The following TMEM132D variants were observed in gnomAD, a reference collection of about 807,000 sequenced individuals.
TMEM132D encodes the protein transmembrane protein 132D.
Under a neutral mutation model 62.3 loss-of-function variants are expected in TMEM132D, and 21 were observed. That is an observed-to-expected ratio of 0.34 (90% CI 0.24 to 0.49). The LOEUF is 0.49. Ranked by LOEUF, TMEM132D falls within the 20% of genes least tolerant of loss-of-function variation. TMEM132D has a pLI of 0.99. For missense variants in TMEM132D, 1,346 were observed against 1,402.8 expected, an observed-to-expected ratio of 0.96 and a Z score of 0.65; for synonymous variants, 621 against 575.6, an observed-to-expected ratio of 1.08 and a Z score of -1.13.
chr12:129,417,187 T>C (rs1872149151), intron 3 of TMEM132D, among the ~76,000 whole-genome samples: 1 of 152,176 alleles, frequency 6.6e-6, no homozygotes, highest in African/African-American at 2.4e-5. Context: ...CTGGGCTTTT[T>C]TTGTTGGTAG....
Position 129,546,388 on chromosome 12 carries a change from A to T in TMEM132D, c.969-15183T>A, listed in dbSNP as rs1876736971. 2.0e-5 allele frequency among the ~76,000 whole-genome samples: 3 copies of T among 152,318 alleles called. No homozygotes were observed. In the South Asian group the frequency reaches 6.2e-4, roughly 32 times the overall value. Reference sequence around the variant, plus strand: ...CTGCGTGTGTATATTATTCATATTAATAGGAAAGATTATGATGGTTTCCAT... The same window carrying T: ...CTGCGTGTGTATATTATTCATATTATTAGGAAAGATTATGATGGTTTCCAT... On this transcript the variant is annotated intron_variant, in intron 2 of 8. Coordinates refer to ENST00000422113, the MANE Select transcript of TMEM132D (RefSeq NM_133448.3).
At position 129,605,587 on chromosome 12, in the gene TMEM132D, TTATA is replaced by T. The variant is rs71301340; in HGVS notation, c.969-74386_969-74383del. On this transcript the variant is annotated intron_variant, in intron 2 of 8. Coordinates refer to ENST00000422113, the MANE Select transcript of TMEM132D (RefSeq NM_133448.3). ...TTAAATTATTATGGGAAATTAGGCA[TTATA>T]TATATATATATATACACACACATAT... Among the ~76,000 whole-genome samples the T allele has an allele frequency of 2.8e-5, 3 of 107,366 alleles. 1 individual carries two copies. Among genetic ancestry groups the T allele is most frequent in the African/African-American group, 1.2e-4 (3 of 25,724 alleles). The allele number at this position is 107,366 out of a possible 152,430, so 70.4% of individuals were successfully genotyped here. A position where few individuals can be genotyped will look rare whatever the true frequency, so the allele number is the denominator to read the frequency against.
chr12:129,167,764 T>C (rs962026631), intron 5 of TMEM132D, among the ~76,000 whole-genome samples: 2 of 151,558 alleles, frequency 1.3e-5, no homozygotes, highest in African/African-American at 4.9e-5. Context: ...CAAATGGCAG[T>C]TTGCCCAATT....
intron 3 of TMEM132D, among the ~76,000 whole-genome samples, chr12:129,433,556 T>C (rs1872717856): frequency 6.6e-6 from 1 of 152,214 alleles, no homozygotes; most frequent in Non-Finnish European, 1.5e-5. Context: ...AATTACAATT[T>C]TTCCCTTGCT....
At chr12:129,647,840 G>T (rs575064878) in intron 2 of TMEM132D, among the ~76,000 whole-genome samples, 1 of 152,154 alleles carries the variant, frequency 6.6e-6, no homozygotes, top group South Asian at 2.1e-4. Context: ...AACCACCTTT[G>T]TAAAGAATAT....
At chr12:129,514,988 A>AT (rs1875630542) in intron 3 of TMEM132D, among the ~76,000 whole-genome samples, 1 of 152,202 alleles carries the variant, frequency 6.6e-6, no homozygotes, top group African/African-American at 2.4e-5. Flanking sequence ...AGAGAGACTC[A>AT]TTTAATCAAA....
chr12:129,138,319 A>G (rs1406060408), intron 5 of TMEM132D, among the ~76,000 whole-genome samples: 1 of 152,254 alleles, frequency 6.6e-6, no homozygotes, highest in African/African-American at 2.4e-5. Context: ...AACACAATGT[A>G]TGTATTGGCT....
chr12:129,344,458 T>C (rs1869616903), intron 3 of TMEM132D, among the ~76,000 whole-genome samples: 1 of 152,102 alleles, frequency 6.6e-6, no homozygotes, highest in South Asian at 2.1e-4. Flanking sequence ...AAGAATGGGA[T>C]TGGGTTAGAG....
intron 4 of TMEM132D, among the ~76,000 whole-genome samples, chr12:129,315,400 A>G (rs767080179): frequency 1.2e-4 from 18 of 152,042 alleles, no homozygotes; most frequent in African/African-American, 3.1e-4. Context: ...TATTGAGATG[A>G]TTATGTGATT....
chr12:129,383,980 C>T (rs1394000931), intron 3 of TMEM132D, among the ~76,000 whole-genome samples: 1 of 152,196 alleles, frequency 6.6e-6, no homozygotes, highest in African/African-American at 2.4e-5. Context: ...TCCTCTGCCT[C>T]CCGAAAGCTG....
chr12:129,819,046 G>C (rs1872462265), intron 1 of TMEM132D, among the ~76,000 whole-genome samples: 1 of 151,232 alleles, frequency 6.6e-6, no homozygotes, highest in South Asian at 2.1e-4. Flanking sequence ...AAAAAAAAAA[G>C]ACAAGAAAAA....
intron 2 of TMEM132D, among the ~76,000 whole-genome samples, chr12:129,576,603 T>TAAAC (rs1877667606): frequency 6.7e-6 from 1 of 149,844 alleles, no homozygotes; most frequent in Admixed American, 6.7e-5. Flanking sequence ...ATACATATTA[T>TAAAC]ACACACACAC....
chr12:129,553,323 G>C (rs568723443), intron 2 of TMEM132D, among the ~76,000 whole-genome samples: 1 of 152,138 alleles, frequency 6.6e-6, no homozygotes, highest in Non-Finnish European at 1.5e-5. Flanking sequence ...TGTCAGGCTC[G>C]CCTTTCCCCT....
chr12:129,236,528 AAAAG>A (rs1879789791), intron 4 of TMEM132D, among the ~76,000 whole-genome samples: 1 of 148,098 alleles, frequency 6.8e-6, no homozygotes, highest in African/African-American at 2.6e-5. Flanking sequence ...AAAAAAAAAA[AAAAG>A]AAAAAAAAAA....
chr12:129,643,423 T>C (rs906134917), intron 2 of TMEM132D, among the ~76,000 whole-genome samples: 1 of 152,216 alleles, frequency 6.6e-6, no homozygotes, highest in Non-Finnish European at 1.5e-5. Context: ...TGCTTACATA[T>C]GTTCTCTGGC....
intron 1 of TMEM132D, among the ~76,000 whole-genome samples, chr12:129,851,108 G>T (rs1873526515): frequency 6.6e-6 from 1 of 152,160 alleles, no homozygotes; most frequent in Admixed American, 6.5e-5. Flanking sequence ...CTTTCATTCT[G>T]AATGCTTCTC....
chr12:129,157,616 T>C, intron 5 of TMEM132D, among the ~76,000 whole-genome samples: 1 of 152,240 alleles, frequency 6.6e-6, no homozygotes, highest in East Asian at 1.9e-4. Context: ...CAAATGCAAA[T>C]GAAACACAAA....
At chr12:129,523,094 G>A (rs1875902639) in intron 3 of TMEM132D, among the ~76,000 whole-genome samples, 1 of 145,744 alleles carries the variant, frequency 6.9e-6, no homozygotes, top group Non-Finnish European at 1.5e-5. Flanking sequence ...CTGCACATGT[G>A]TGCATACACA....
intron 4 of TMEM132D, among the ~76,000 whole-genome samples, chr12:129,218,963 A>C (rs746846643): frequency 1.4e-4 from 21 of 152,212 alleles, no homozygotes; most frequent in Non-Finnish European, 2.6e-4. Flanking sequence ...GTCTGACTAA[A>C]GGCTAGAAGC....
Sources: allele counts gnomAD v4.1 joint callset (sites outside exome capture counted in the v4.1 genomes callset), GRCh38; gene constraint gnomAD v4.1.1; transcripts MANE v1.5; gene names NCBI Gene and HGNC (gene_info 2026-07-23, HGNC 2026-07-21).